Variants in TAF7L observed in about 807,000 individuals in gnomAD.
TAF7L encodes transcription initiation factor TFIID subunit 7-like.
Under a neutral mutation model 30.2 loss-of-function variants are expected in TAF7L, and 6 were observed. The ratio of observed to expected loss-of-function variants is 0.20; its 90% CI spans 0.11 to 0.39. TAF7L has a LOEUF of 0.39. TAF7L is among the 10% of genes least tolerant of loss of function. TAF7L has a pLI of 1.00. For missense variants in TAF7L, 284 were observed against 277.1 expected, an observed-to-expected ratio of 1.03 and a Z score of -0.18; for synonymous variants, 93 against 94.5, an observed-to-expected ratio of 0.98 and a Z score of 0.09.
chrX:101,276,970 C>CA (rs35125792), intron 9 of TAF7L, among the ~76,000 whole-genome samples: 179 of 82,176 alleles, frequency 2.2e-3, no homozygotes, highest in Middle Eastern at 6.9e-3. Context: ...TCTCTACTTA[C>CA]AAAAAAAAAA....
Position 101,275,295 on chromosome X carries a change from T to A in TAF7L, c.1027-14A>T. Reference sequence around the variant, plus strand: ...CTGAAAATGATTCTGAAAAATAAATTGTATAAATGATGAACACTGAGTCTC... The same window carrying A: ...CTGAAAATGATTCTGAAAAATAAATAGTATAAATGATGAACACTGAGTCTC... On this transcript the variant is annotated splice_polypyrimidine_tract_variant and intron_variant, in intron 11 of 12. Coordinates refer to ENST00000356784, the MANE Select transcript of TAF7L (RefSeq NM_001168474.2). 4.5e-6 allele frequency: 5 copies of A among 1,115,356 alleles called. No homozygotes were observed. The highest frequency in any genetic ancestry group is 6.0e-6 in the Non-Finnish European group (5 of 831,526). 91.9% of individuals were successfully genotyped at this position (1,115,356 alleles called of 1,213,427 possible). A position where few individuals can be genotyped will look rare whatever the true frequency, so the allele number is the denominator to read the frequency against.
At chrX:101,277,195 A>C (rs1490838009) in intron 9 of TAF7L, among the ~76,000 whole-genome samples, 1 of 95,505 alleles carries the variant, frequency 1.0e-5, no homozygotes, top group African/African-American at 4.0e-5. Flanking sequence ...ACAGTGGCTC[A>C]TGCCTGTAAT....
upstream of TAF7L, among the ~76,000 whole-genome samples, chrX:101,292,060 A>G (rs1924826659): frequency 9.6e-6 from 1 of 104,445 alleles, no homozygotes; most frequent in African/African-American, 3.5e-5. Flanking sequence ...CAACATGTTG[A>G]AACCCCGTCT....
At chrX:101,285,580 C>A (rs1453595847) in intron 3 of TAF7L, among the ~76,000 whole-genome samples, 1 of 98,003 alleles carries the variant, frequency 1.0e-5, no homozygotes, top group Non-Finnish European at 2.0e-5. Flanking sequence ...TCCTCATCCT[C>A]ATTAACAGTT....
intron 3 of TAF7L, 110 bp downstream of exon 3, chrX:101,286,465 C>G (rs1924605472): frequency 1.9e-6 from 1 of 520,574 alleles, no homozygotes; most frequent in South Asian, 3.6e-5. Context: ...AAGTCAGAGA[C>G]CATATTCTAT....
In TAF7L at chrX:101,276,131, A is replaced by G; in HGVS notation, c.914-19T>C. ...TCCATGACTAATAGAGAAACATAGA[A>G]CTTTATATATTAAATATAGCCTAAA... On this transcript the variant is annotated intron_variant, in intron 10 of 12. Transcript: ENST00000356784. 1 of 1,163,828 alleles carries G rather than the reference A, an allele frequency of 8.6e-7. No homozygotes were observed. Among genetic ancestry groups the G allele is most frequent in the Non-Finnish European group, 1.2e-6 (1 of 866,628 alleles).
intron 3 of TAF7L, among the ~76,000 whole-genome samples, chrX:101,284,198 A>G (rs1363212378): frequency 2.7e-5 from 3 of 111,938 alleles, no homozygotes; most frequent in Non-Finnish European, 3.8e-5. Context: ...ATTTTGTGTG[A>G]ATTAACTCTA....
chrX:101,271,872 T>C (rs1370932775), intron 12 of TAF7L, among the ~76,000 whole-genome samples: 1 of 111,889 alleles, frequency 8.9e-6, no homozygotes, highest in African/African-American at 3.3e-5. Context: ...CAAAGATGTT[T>C]GGTGGGTACT....
chrX:101,274,740 T>C (rs1164400497), intron 12 of TAF7L, among the ~76,000 whole-genome samples: 2 of 111,658 alleles, frequency 1.8e-5, no homozygotes, highest in Non-Finnish European at 3.8e-5. Context: ...ATAATTGTCT[T>C]ACTTGTTTTT....
intron 5 of TAF7L, among the ~76,000 whole-genome samples, 173 bp from the exon 6 acceptor site, chrX:101,281,948 C>T (rs921932961): frequency 3.9e-5 from 4 of 101,878 alleles, no homozygotes; most frequent in African/African-American, 7.3e-5. Flanking sequence ...TGCAGTGGTG[C>T]GAGCTCAGCT....
chrX:101,288,298 C>T (rs1167122872), intron 1 of TAF7L, among the ~76,000 whole-genome samples: 1 of 109,991 alleles, frequency 9.1e-6, no homozygotes, highest in Non-Finnish European at 1.9e-5. Context: ...TGCACCACCA[C>T]ACCTGGCTAA....
intron 4 of TAF7L, 35 bp from the exon 5 acceptor site, chrX:101,282,488 C>T: frequency 4.1e-6 from 5 of 1,205,802 alleles, no homozygotes; most frequent in Non-Finnish European, 5.6e-6. Flanking sequence ...TTGACTATGA[C>T]CACGAATTTT....
chrX:101,276,062 T>A lies in TAF7L; in HGVS notation c.964A>T (p.Ile322Phe), dbSNP rs1449460155. ...TTCTGTCTTTGTGCTTTATTCTGAA[T>A]CTTATGGAGCTTTTTCTCCTTTTTC... The part of the protein sequence containing the change: ...IEKKEKKLHK[I>F]QNKAQRQKDL... The change falls in exon 11 of 13, where the codon ATT (isoleucine) becomes TTT (phenylalanine). Residue 322 changes from isoleucine to phenylalanine, a missense_variant. Coordinates refer to ENST00000356784, the MANE Select transcript of TAF7L (RefSeq NM_001168474.2). The A allele has an allele frequency of 8.3e-7, 1 of 1,206,049 alleles. No homozygotes were observed. Among genetic ancestry groups the A allele is most frequent in the Non-Finnish European group, 1.1e-6 (1 of 894,166 alleles).
At chrX:101,275,324 G>C in intron 11 of TAF7L, 43 bp from the exon 12 acceptor site, 37 of 682,390 alleles carry the variant, frequency 5.4e-5, no homozygotes, top group Non-Finnish European at 6.1e-5. Context: ...GAGTCTCAAA[G>C]AAAAAAAAAA....
chrX:101,276,892 G>A (rs1333023998), intron 9 of TAF7L, among the ~76,000 whole-genome samples: 2 of 109,429 alleles, frequency 1.8e-5, no homozygotes, highest in Non-Finnish European at 3.8e-5. Context: ...CACTTTGGGA[G>A]GCCAACGCGG....
At chrX:101,291,999 A>G (rs1343608771), upstream of TAF7L, among the ~76,000 whole-genome samples, 1 of 109,087 alleles carries the variant, frequency 9.2e-6, no homozygotes, top group Non-Finnish European at 1.9e-5. Context: ...GCACTTTGGG[A>G]GGCCGAGTCG....
At chrX:101,281,887 T>A in intron 5 of TAF7L, 112 bp from the exon 6 acceptor site, 7 of 141,183 alleles carry the variant, frequency 5.0e-5, no homozygotes, top group South Asian at 1.5e-4. Context: ...CATCACTCCT[T>A]TTTTTTTTTT....
intron 6 of TAF7L, among the ~76,000 whole-genome samples, chrX:101,281,173 C>G (rs1227812756): frequency 8.9e-6 from 1 of 111,971 alleles, no homozygotes. Context: ...CTAATCATGT[C>G]AATTACCTGT....
chrX:101,277,164 A>AT (rs1924222073), intron 9 of TAF7L, among the ~76,000 whole-genome samples: 1 of 99,029 alleles, frequency 1.0e-5, no homozygotes, highest in African/African-American at 3.7e-5. Context: ...AAAAAAAAAA[A>AT]AAAAAAAAAA....
Sources: allele counts gnomAD v4.1 joint callset (sites outside exome capture counted in the v4.1 genomes callset), GRCh38; gene constraint gnomAD v4.1.1; transcripts MANE v1.5; gene names NCBI Gene and HGNC (gene_info 2026-07-23, HGNC 2026-07-21).